The following PAK3 variants were observed in gnomAD, a reference collection of about 807,000 sequenced individuals.
PAK3 encodes the protein p21 (RAC1) activated kinase 3, also known as serine/threonine-protein kinase PAK 3.
PAK3 carries 4 observed loss-of-function variants against 41.0 expected under a neutral mutation model. The observed-to-expected ratio is 0.10, with a 90% CI of 0.05 to 0.22. The LOEUF is 0.22. Among genes scored for constraint, PAK3 ranks in the 10% least tolerant of loss-of-function variants. The pLI, the probability that PAK3 is intolerant of heterozygous loss-of-function variation, is 1.00. For missense variants in PAK3, 205 were observed against 409.9 expected, an observed-to-expected ratio of 0.50 and a Z score of 4.32; for synonymous variants, 146 against 139.6, an observed-to-expected ratio of 1.05 and a Z score of -0.32.
At chrX:111,207,096 GTGTATA>G (rs1054674043) in intron 16 of PAK3, among the ~76,000 whole-genome samples, 3 of 107,116 alleles carry the variant, frequency 2.8e-5, no homozygotes, top group African/African-American at 1.0e-4. Flanking sequence ...GTGTGTGTGT[GTGTATA>G]TATATATACA....
chrX:111,126,385 C>G (rs865889561), intron 5 of PAK3, among the ~76,000 whole-genome samples: 8 of 111,248 alleles, frequency 7.2e-5, no homozygotes, highest in South Asian at 7.6e-4. Flanking sequence ...CTCAGCTGAA[C>G]TTTCTTACCT....
Position 111,130,642 on chromosome X carries a change from A to G in PAK3, c.175+7364A>G, listed in dbSNP as rs374325787. Among the ~76,000 whole-genome samples, 4 of 112,027 alleles carry G rather than the reference A, an allele frequency of 3.6e-5. No individual in the cohort carries two copies. The East Asian group carries it at 1.1e-3, about 32-fold the overall frequency. ...TTGAGATTTGCTAATATAATAAAAG[A>G]TATTATAATAAGAGCAGTGAATGTT... On this transcript the variant is annotated intron_variant, in intron 5 of 17. Coordinates refer to ENST00000372007, the MANE Select transcript of PAK3 (RefSeq NM_002578.5).
At chrX:111,076,996 T>G (rs915135934) in intron 1 of PAK3, among the ~76,000 whole-genome samples, 10 of 111,502 alleles carry the variant, frequency 9.0e-5, no homozygotes, top group Non-Finnish European at 1.5e-4. Context: ...GTACTGCTAC[T>G]ATACACTAAT....
intron 1 of PAK3, among the ~76,000 whole-genome samples, chrX:110,969,006 G>T (rs2091139480): frequency 9.3e-6 from 1 of 107,312 alleles, no homozygotes; most frequent in South Asian, 4.2e-4. Flanking sequence ...AATTTTGTGT[G>T]AGGTATGAGA....
At chrX:110,999,795 G>A (rs1432030439) in intron 1 of PAK3, among the ~76,000 whole-genome samples, 1 of 109,803 alleles carries the variant, frequency 9.1e-6, no homozygotes, top group Non-Finnish European at 1.9e-5. Flanking sequence ...CCAACATGGT[G>A]AAACCCTGTC....
At position 110,972,839 on chromosome X, in the gene PAK3, C is replaced by T. The variant is rs1344406055; in HGVS notation, c.-28+28211C>T. On this transcript the variant is annotated intron_variant, in intron 1 of 14. Transcript: ENST00000425146. ...GAAAAAAGATTAGACGAATGGCTAA[C>T]TAGAATAAACAGTGTAGAGAAGACC... Among the ~76,000 whole-genome samples the T allele has an allele frequency of 2.7e-5, 3 of 111,206 alleles. No individual in the cohort carries two copies. The Admixed American group carries it at 2.9e-4, about 11-fold the overall frequency.
At chrX:111,177,916 G>T (rs759430803) in intron 11 of PAK3, among the ~76,000 whole-genome samples, 89 of 111,342 alleles carry the variant, frequency 8.0e-4, no homozygotes, top group Middle Eastern at 9.1e-3. Context: ...GGTTCATATT[G>T]TCTTTTCTCT....
intron 1 of PAK3, among the ~76,000 whole-genome samples, chrX:111,086,423 C>A (rs960513035): frequency 1.8e-5 from 2 of 110,428 alleles, no homozygotes; most frequent in Non-Finnish European, 3.8e-5. Flanking sequence ...GAATGGTGTT[C>A]TGTCTCTTTA....
intron 16 of PAK3, among the ~76,000 whole-genome samples, chrX:111,213,480 G>A (rs1296413388): frequency 2.7e-5 from 3 of 112,094 alleles, no homozygotes; most frequent in African/African-American, 9.7e-5. Flanking sequence ...AAGGACTCAG[G>A]TAGAGAAGAT....
chrX:110,963,314 A>G (rs1379563426), intron 1 of PAK3, among the ~76,000 whole-genome samples: 1 of 112,155 alleles, frequency 8.9e-6, no homozygotes, highest in Non-Finnish European at 1.9e-5. Context: ...TGTGGTCTCC[A>G]TGGGAACTAA....
intron 1 of PAK3, among the ~76,000 whole-genome samples, chrX:110,967,622 T>C (rs2091108664): frequency 2.7e-5 from 3 of 111,693 alleles, no homozygotes; most frequent in African/African-American, 9.8e-5. Flanking sequence ...GGTATTTATG[T>C]AAAATCTCTT....
At chrX:111,209,690 G>A (rs1051122895) in intron 16 of PAK3, among the ~76,000 whole-genome samples, 2 of 112,194 alleles carry the variant, frequency 1.8e-5, no homozygotes, top group African/African-American at 3.2e-5. Flanking sequence ...TTGCTAACAC[G>A]TTTCCATGTA....
At chrX:111,123,365 T>C (rs1045665892) in intron 5 of PAK3, 87 bp downstream of exon 5, 8 of 849,471 alleles carry the variant, frequency 9.4e-6, no homozygotes, top group Admixed American at 2.4e-5. Context: ...TTCTTGAGGA[T>C]TGACTGTTCA....
At chrX:111,198,754 A>G (rs2094644681) in intron 16 of PAK3, among the ~76,000 whole-genome samples, 1 of 111,198 alleles carries the variant, frequency 9.0e-6, no homozygotes, top group Non-Finnish European at 1.9e-5. Flanking sequence ...GTTTAAAGCC[A>G]GGTAATATGA....
chrX:111,196,391 T>C, intron 15 of PAK3, 53 bp from the exon 16 acceptor site: 1 of 971,011 alleles, frequency 1.0e-6, no homozygotes. Flanking sequence ...AAGTGATATA[T>C]TGTAAAAGGA....
chrX:111,167,441 G>A lies in PAK3; in HGVS notation c.766+3714G>A, dbSNP rs149146738. Among the ~76,000 whole-genome samples, 797 of 111,038 alleles carry A rather than the reference G, an allele frequency of 7.2e-3. 10 individuals carry two copies. Among genetic ancestry groups the A allele is most frequent in the African/African-American group, 0.025 (750 of 30,551 alleles). On this transcript the variant is annotated intron_variant, in intron 10 of 17. Transcript: ENST00000372007. ...GTGTCAGGGGTCCAGTTACTAAGAGGTGGGCAGCCCAGACCACAGAGCTAT... is the reference window on the plus strand; with the variant it reads ...GTGTCAGGGGTCCAGTTACTAAGAGATGGGCAGCCCAGACCACAGAGCTAT...
chrX:111,063,094 C>G (rs990326446), intron 1 of PAK3, among the ~76,000 whole-genome samples: 1 of 112,262 alleles, frequency 8.9e-6, no homozygotes, highest in African/African-American at 3.2e-5. Context: ...CTGTCTCCCA[C>G]ACTTCTGGGA....
At chrX:111,120,803 A>G (rs1285552572) in intron 4 of PAK3, among the ~76,000 whole-genome samples, 2 of 112,057 alleles carry the variant, frequency 1.8e-5, no homozygotes, top group African/African-American at 6.5e-5. Context: ...GTATATCTGT[A>G]TACATATTTA....
At chrX:110,962,850 T>C (rs2091007316) in intron 1 of PAK3, among the ~76,000 whole-genome samples, 1 of 112,559 alleles carries the variant, frequency 8.9e-6, no homozygotes, top group African/African-American at 3.2e-5. Flanking sequence ...AACAGAAGGG[T>C]ATCTCTGACA....
Sources: allele counts gnomAD v4.1 joint callset (sites outside exome capture counted in the v4.1 genomes callset), GRCh38; gene constraint gnomAD v4.1.1; transcripts MANE v1.5; gene names NCBI Gene and HGNC (gene_info 2026-07-23, HGNC 2026-07-21).